TSGA10: variants seen among roughly 807,000 people sequenced by gnomAD.
TSGA10 encodes the protein testis-specific gene 10 protein.
A neutral mutation model predicts 96.6 loss-of-function variants in TSGA10; 43 were observed. That is an observed-to-expected ratio of 0.44 (90% CI 0.35 to 0.57). TSGA10 has a LOEUF of 0.57. Ranked by LOEUF, TSGA10 falls within the 20% of genes least tolerant of loss-of-function variation. The pLI, the probability that TSGA10 is intolerant of heterozygous loss-of-function variation, is 0.01. For synonymous variants in TSGA10, 229 were observed against 269.9 expected (o/e 0.85, Z 1.48); for missense variants, 703 against 834.4 (o/e 0.84, Z 1.94).
At chr2:99,073,409 G>T (rs2086216740) in intron 12 of TSGA10, among the ~76,000 whole-genome samples, 1 of 152,112 alleles carries the variant, frequency 6.6e-6, no homozygotes, top group Non-Finnish European at 1.5e-5. Context: ...CAATGGTTTG[G>T]CATTGGAGTA....
chr2:99,008,902 G>C (rs1319155113), intron 20 of TSGA10, among the ~76,000 whole-genome samples: 1 of 152,098 alleles, frequency 6.6e-6, no homozygotes, highest in East Asian at 1.9e-4. Context: ...ATAGTGTTAA[G>C]TGAGAAAAGC....
intron 20 of TSGA10, among the ~76,000 whole-genome samples, chr2:99,002,061 T>C (rs2077972285): frequency 6.6e-6 from 1 of 152,212 alleles, no homozygotes; most frequent in African/African-American, 2.4e-5. Context: ...GAAAACACTC[T>C]GCGGGATATT....
At chr2:99,150,382 A>T (rs547833876) in intron 1 of TSGA10, 2 of 645,462 alleles carry the variant, frequency 3.1e-6, no homozygotes, top group South Asian at 4.7e-5. Flanking sequence ...ATTTTACTTT[A>T]TATTTCTAGT....
chr2:99,077,334 G>T (rs2086834098), intron 12 of TSGA10, among the ~76,000 whole-genome samples: 1 of 150,860 alleles, frequency 6.6e-6, no homozygotes, highest in Non-Finnish European at 1.5e-5. Context: ...CATAACATCT[G>T]GTACATGTCA....
At chr2:99,094,546 AT>A (rs2089790489) in intron 10 of TSGA10, among the ~76,000 whole-genome samples, 1 of 152,218 alleles carries the variant, frequency 6.6e-6, no homozygotes, top group African/African-American at 2.4e-5. Flanking sequence ...ACTCAAACAA[AT>A]TAGCAATAAA....
At chr2:99,094,707 C>T (rs553058432) in intron 10 of TSGA10, among the ~76,000 whole-genome samples, 2 of 152,230 alleles carry the variant, frequency 1.3e-5, no homozygotes, top group African/African-American at 4.8e-5. Flanking sequence ...TGTGATACCA[C>T]CTTACTCCTG....
intron 16 of TSGA10, among the ~76,000 whole-genome samples, chr2:99,046,750 CA>C (rs1219497773): frequency 1.3e-5 from 2 of 151,950 alleles, no homozygotes; most frequent in African/African-American, 4.8e-5. Flanking sequence ...TATAGAGACA[CA>C]AAAAACCCTT....
chr2:99,085,634 A>AAAAAAAAAAAAAAAAAATG (rs2088213947), intron 10 of TSGA10, among the ~76,000 whole-genome samples: 1 of 147,706 alleles, frequency 6.8e-6, no homozygotes, highest in Non-Finnish European at 1.5e-5. Context: ...AAAAAAAAAA[A>AAAAAAAAAAAAAAAAAATG]GTTGTTTTTT....
At chr2:99,074,005 T>C (rs995921265) in intron 12 of TSGA10, among the ~76,000 whole-genome samples, 6 of 100,966 alleles carry the variant, frequency 5.9e-5, no homozygotes, top group South Asian at 3.3e-4. Context: ...CTTTTCTTTT[T>C]TTTTTTTTTT....
Position 99,108,909 on chromosome 2 carries a change from C to T in TSGA10, c.134G>A (p.Arg45His), listed in dbSNP as rs762222595. Reference protein sequence around the residue: ...ELKCMLEKYERHLAEIQGNVK... With the variant: ...ELKCMLEKYEHHLAEIQGNVK... ...ATTACCCTGAATTTCTGCCAAATGG[C>T]GCTCATATTTTTCCAGCATGCATTT... Residue 45 changes from arginine (R) to histidine (H), a missense_variant, in exon 7 of 21, where the codon CGC becomes CAC. Around this residue, in one of 3 missense-constraint regions of TSGA10, gnomAD observed 585 missense variants for 656.8 expected, o/e 0.89. Transcript: ENST00000393483. 1.8e-5 allele frequency: 29 copies of T among 1,607,292 alleles called. No homozygotes were observed. The highest frequency in any genetic ancestry group is 2.7e-5 in the African/African-American group (2 of 74,544).
intron 7 of TSGA10, 38 bp from the exon 8 acceptor site, chr2:99,105,735 T>G: frequency 6.5e-7 from 1 of 1,541,032 alleles, no homozygotes; most frequent in Non-Finnish European, 8.8e-7. Context: ...GAACAAGCTT[T>G]AGAACACATA....
Position 99,090,209 on chromosome 2 carries a change from G to C in TSGA10, c.612-8812C>G, listed in dbSNP as rs2089140098. Among the ~76,000 whole-genome samples, 4 of 152,174 alleles carry C rather than the reference G, an allele frequency of 2.6e-5. No homozygotes were observed. The South Asian group carries it at 8.3e-4, about 31-fold the overall frequency. On this transcript the variant is annotated intron_variant, in intron 10 of 20. Coordinates refer to ENST00000393483, the MANE Select transcript of TSGA10 (RefSeq NM_025244.4). ...TCAGGAAGCCACATCCCTCTAGGAA[G>C]AGAGAGAGAATACTACATCAAGGGA...
intron 10 of TSGA10, among the ~76,000 whole-genome samples, chr2:99,090,468 TAAGCTAATC>T (rs2089185148): frequency 6.6e-6 from 1 of 152,154 alleles, no homozygotes; most frequent in Non-Finnish European, 1.5e-5. Flanking sequence ...GGTCAGTTAT[TAAGCTAATC>T]AAGGAGGCAC....
chr2:99,029,623 T>A (rs368403155), intron 17 of TSGA10, among the ~76,000 whole-genome samples: 52 of 152,308 alleles, frequency 3.4e-4, no homozygotes, highest in African/African-American at 1.2e-3. Context: ...TCTATCATAT[T>A]AATAGGCTAA....
At chr2:99,049,030 A>G (rs1005126607) in intron 16 of TSGA10, among the ~76,000 whole-genome samples, 1 of 152,240 alleles carries the variant, frequency 6.6e-6, no homozygotes, top group Non-Finnish European at 1.5e-5. Flanking sequence ...TCACGATGAG[A>G]TACCCTCTCA....
rs182574682 is a variant in TSGA10 at position 99,001,713 on chromosome 2, A to G, written c.2073-3492T>C. On this transcript the variant is annotated intron_variant, in intron 20 of 20. Coordinates refer to ENST00000393483, the MANE Select transcript of TSGA10 (RefSeq NM_025244.4). Reference sequence around the variant, plus strand: ...AAGCTAAAGGAGGACGTTTGAACCCATCGCAAAGAAGCTAAAAACCTTGGA... The same window carrying G: ...AAGCTAAAGGAGGACGTTTGAACCCGTCGCAAAGAAGCTAAAAACCTTGGA... Among the ~76,000 whole-genome samples the G allele has an allele frequency of 1.1e-4, 17 of 152,320 alleles. 1 individual carries two copies. The East Asian group carries it at 3.1e-3, about 28-fold the overall frequency.
At chr2:99,089,777 C>T (rs150018525) in intron 10 of TSGA10, among the ~76,000 whole-genome samples, 1 of 152,158 alleles carries the variant, frequency 6.6e-6, no homozygotes, top group Non-Finnish European at 1.5e-5. Flanking sequence ...AGAATCTAAG[C>T]TCTGACATGA....
chr2:99,048,764 A>G (rs2083064392), intron 16 of TSGA10, among the ~76,000 whole-genome samples: 1 of 152,230 alleles, frequency 6.6e-6, no homozygotes, highest in African/African-American at 2.4e-5. Flanking sequence ...TCTGCACAGC[A>G]AAAGAAACTG....
chr2:99,095,117 G>A (rs2089885369), intron 10 of TSGA10, among the ~76,000 whole-genome samples: 1 of 152,154 alleles, frequency 6.6e-6, no homozygotes, highest in Non-Finnish European at 1.5e-5. Flanking sequence ...TGGAACTGGA[G>A]ACCATTATTC....
Sources: gnomAD v4.1 joint callset for allele counts (sites outside exome capture counted in the v4.1 genomes callset) on GRCh38, gnomAD v4.1.1 for gene constraint, gnomAD v4.1.1 regional missense constraint, MANE v1.5 for transcripts, NCBI Gene and HGNC (gene_info 2026-07-23, HGNC 2026-07-21) for gene names.